Variants in SLC12A5 observed in about 807,000 individuals in gnomAD.
SLC12A5 encodes solute carrier family 12 member 5.
Under a neutral mutation model 124.0 loss-of-function variants are expected in SLC12A5, and 18 were observed. The observed-to-expected ratio is 0.15, with a 90% CI of 0.10 to 0.22. The LOEUF is 0.22. Among genes scored for constraint, SLC12A5 ranks in the 10% least tolerant of loss-of-function variants. The pLI, the probability that SLC12A5 is intolerant of heterozygous loss-of-function variation, is 1.00. For synonymous variants in SLC12A5, 589 were observed against 568.0 expected (o/e 1.04, Z -0.53); for missense variants, 867 against 1,478.7 (o/e 0.59, Z 6.78).
At chr20:46,021,845 C>T (rs2084357714) in exon 1 of SLC12A5, 2 of 1,532,676 alleles carry the variant, frequency 1.3e-6, no homozygotes, top group Non-Finnish European at 8.7e-7. Context: ...CGCCGGCATT[C>T]GGTCGCAGAC....
chr20:46,048,010 G>A lies in SLC12A5; in HGVS notation c.1937G>A (p.Arg646Gln), dbSNP rs1236646231. 3 of 1,612,472 alleles carry A rather than the reference G, an allele frequency of 1.9e-6. No individual in the cohort carries two copies. The highest frequency in any genetic ancestry group is 1.3e-5 in the African/African-American group (1 of 74,996). Reference protein sequence around the residue: ...GAEKEWGDGIRGLSLSAARYA... With the variant: ...GAEKEWGDGIQGLSLSAARYA... ...GAGAAGGAGTGGGGCGATGGGATACGAGGTCTGTCTCTCAGTGCGGCTCGC... is the reference window on the plus strand; with the variant it reads ...GAGAAGGAGTGGGGCGATGGGATACAAGGTCTGTCTCTCAGTGCGGCTCGC... The change falls in exon 16 of 26, where the codon CGA becomes CAA. Residue 646 changes from arginine to glutamine, a missense_variant. Physicochemically the swap from Arg to Gln is conservative, Grantham distance 43. This residue lies in a region of SLC12A5 where 152 missense variants were observed against 358.7 expected (regional missense o/e 0.42). Coordinates refer to ENST00000243964, the MANE Select transcript of SLC12A5 (RefSeq NM_020708.5).
chr20:46,043,930 A>G lies in SLC12A5; in HGVS notation c.1391A>G (p.Asp464Gly), dbSNP rs1281577456. The G allele has an allele frequency of 6.2e-7, 1 of 1,601,458 alleles. No individual in the cohort carries two copies. The highest frequency in any genetic ancestry group is 8.5e-7 in the Non-Finnish European group (1 of 1,173,796). ...TGCATTGAGGGGGTCGTCCTGCGGG[A>G]CAAGTAAGATAATTGGGGTTGATCC... ...GACIEGVVLR[D>G]KFGEAVNGNL... The change falls in exon 11 of 26, where the codon GAC becomes GGC. Residue 464 changes from aspartate to glycine, a missense_variant. This residue lies in a region of SLC12A5 where 152 missense variants were observed against 358.7 expected (regional missense o/e 0.42). Coordinates refer to ENST00000243964, the MANE Select transcript of SLC12A5 (RefSeq NM_020708.5).
chr20:46,043,491 T>A, intron 9 of SLC12A5, 142 bp from the exon 10 acceptor site: 1 of 1,169,360 alleles, frequency 8.6e-7, no homozygotes, highest in Non-Finnish European at 1.2e-6. Context: ...AGAAGCTAAG[T>A]AACATGTCCA....
At chr20:46,052,263 T>C (rs975767653) in intron 18 of SLC12A5, among the ~76,000 whole-genome samples, 1 of 152,218 alleles carries the variant, frequency 6.6e-6, no homozygotes, top group African/African-American at 2.4e-5. Flanking sequence ...TAGGTAATAG[T>C]ATATATAATA....
At chr20:46,052,810 CT>C (rs1182068721) in intron 18 of SLC12A5, 146 bp from the exon 19 acceptor site, 1 of 780,390 alleles carries the variant, frequency 1.3e-6, no homozygotes, top group Non-Finnish European at 2.0e-6. Context: ...CAAGTAGATG[CT>C]GGTTTTCTGA....
chr20:46,024,938 G>A (rs1454330002), upstream of SLC12A5, among the ~76,000 whole-genome samples: 7 of 152,190 alleles, frequency 4.6e-5, no homozygotes, highest in African/African-American at 1.7e-4. Flanking sequence ...AAGAGCCCTG[G>A]GCCTGGTAGG....
chr20:46,026,832 G>T (rs1411237138), upstream of SLC12A5, among the ~76,000 whole-genome samples: 1 of 152,170 alleles, frequency 6.6e-6, no homozygotes, highest in Non-Finnish European at 1.5e-5. Context: ...CTCTAGTGAA[G>T]GTGGACAGAT....
At chr20:46,037,450 G>T in intron 6 of SLC12A5, 65 bp downstream of exon 6, 1 of 1,519,342 alleles carries the variant, frequency 6.6e-7, no homozygotes, top group South Asian at 1.3e-5. Flanking sequence ...GTGCTCCCTG[G>T]ACACCTCCTA....
intron 8 of SLC12A5, among the ~76,000 whole-genome samples, chr20:46,042,695 A>C (rs1375095651): frequency 6.6e-6 from 1 of 152,062 alleles, no homozygotes; most frequent in Non-Finnish European, 1.5e-5. Context: ...ATATTTAAGA[A>C]ATATTAAGGA....
At chr20:46,044,864 C>T in intron 11 of SLC12A5, 102 bp from the exon 12 acceptor site, 1 of 1,319,730 alleles carries the variant, frequency 7.6e-7, no homozygotes, top group Non-Finnish European at 1.1e-6. Flanking sequence ...AGAACTTAGT[C>T]CTGTGGCAGG....
At position 46,057,658 on chromosome 20, in the gene SLC12A5, C is replaced by A; in HGVS notation, c.*53C>A. The A allele has an allele frequency of 7.3e-7, 1 of 1,373,204 alleles. No homozygotes were observed. Among genetic ancestry groups the A allele is most frequent in the Non-Finnish European group, 1.0e-6 (1 of 997,856 alleles). The allele number at this position is 1,373,204 out of a possible 1,614,324, so 85.1% of individuals were successfully genotyped here. A position where few individuals can be genotyped will look rare whatever the true frequency, so the allele number is the denominator to read the frequency against. On this transcript the variant is annotated 3_prime_UTR_variant, in exon 26 of 26. Transcript: ENST00000243964. This position sits in a 1 kb window ranked among gnomAD's most constrained non-coding sequence, Gnocchi z 7.1. ...GCGCGCCCGGCCCGCGGCTCCGGAGCCCTCGCCGCGCCCCCCGCCGCTGTC... is the reference window on the plus strand; with the variant it reads ...GCGCGCCCGGCCCGCGGCTCCGGAGACCTCGCCGCGCCCCCCGCCGCTGTC...
Position 46,053,635 on chromosome 20 carries a change from A to G in SLC12A5, c.2605A>G (p.Ile869Val). 6.2e-7 allele frequency: 1 copy of G among 1,613,976 alleles called. No homozygotes were observed. The highest frequency in any genetic ancestry group is 8.5e-7 in the Non-Finnish European group (1 of 1,179,896). The change falls in exon 20 of 26, where the codon ATC becomes GTC. Residue 869 changes from isoleucine to valine, a missense_variant. Around this residue, in one of 9 missense-constraint regions of SLC12A5, gnomAD observed 70 missense variants for 157.2 expected, o/e 0.45. Coordinates refer to ENST00000243964, the MANE Select transcript of SLC12A5 (RefSeq NM_020708.5). The surrounding 1 kb of genome is among the most constrained non-coding windows in gnomAD (Gnocchi z 4.7). The part of the protein sequence containing the change: ...FTVAQMDDNS[I>V]QMKKDLTTFL... ...TGTGGCCCAGATGGATGACAATAGC[A>G]TCCAGATGAAGAAGGATCTGACCAC...
intron 1 of SLC12A5, among the ~76,000 whole-genome samples, chr20:46,031,259 C>G (rs1396504280): frequency 6.6e-6 from 1 of 152,176 alleles, no homozygotes; most frequent in African/African-American, 2.4e-5. Context: ...ATCCCCTCTC[C>G]GTTAGTTTCT....
In SLC12A5 at chr20:46,044,999, G is replaced by A. The variant is rs1208242080; in HGVS notation, c.1428G>A (p.Val476=). The change falls in exon 12 of 26, where the codon GTG becomes GTA. Residue 476 remains valine, a synonymous_variant. Transcript: ENST00000243964. Reference sequence around the variant, plus strand: ...AAGCTGTGAATGGCAACCTCGTGGTGGGCACTCTGGCCTGGCCATCTCCAT... The same window carrying A: ...AAGCTGTGAATGGCAACCTCGTGGTAGGCACTCTGGCCTGGCCATCTCCAT... The part of the protein sequence containing the change: ...FGEAVNGNLV[V]GTLAWPSPWV... 2 of 1,614,186 alleles carry A rather than the reference G, an allele frequency of 1.2e-6. No individual in the cohort carries two copies. The highest frequency in any genetic ancestry group is 1.7e-6 in the Non-Finnish European group (2 of 1,180,014).
chr20:46,052,251 CGTAGGTAATA>C (rs2084653064), intron 18 of SLC12A5, among the ~76,000 whole-genome samples: 1 of 152,218 alleles, frequency 6.6e-6, no homozygotes, highest in African/African-American at 2.4e-5. Flanking sequence ...TCTTGGTAAT[CGTAGGTAATA>C]GTATATATAA....
Position 46,040,356 on chromosome 20 carries a change from C to A in SLC12A5, c.613-17C>A. The A allele has an allele frequency of 6.2e-7, 1 of 1,612,952 alleles. No homozygotes were observed. The highest frequency in any genetic ancestry group is 2.2e-5 in the East Asian group (1 of 44,886). ...CTGCTGACTTAGGTATCTGTTCTTCCTGCCCCTTTCCCACAGGCTTACCTC... is the reference window on the plus strand; with the variant it reads ...CTGCTGACTTAGGTATCTGTTCTTCATGCCCCTTTCCCACAGGCTTACCTC... On this transcript the variant is annotated splice_polypyrimidine_tract_variant and intron_variant, in intron 6 of 25. Coordinates refer to ENST00000243964, the MANE Select transcript of SLC12A5 (RefSeq NM_020708.5).
intron 1 of SLC12A5, among the ~76,000 whole-genome samples, chr20:46,031,223 T>C (rs1345879092): frequency 1.3e-5 from 2 of 152,050 alleles, no homozygotes; most frequent in African/African-American, 2.4e-5. Context: ...GAGGCAAGAG[T>C]TGAACTAGGA....
In SLC12A5 at chr20:46,047,533, C is replaced by A; in HGVS notation, c.1867C>A (p.Leu623Ile). ...CSWYYALVAM[L>I]IAGLIYKYIE... is the part of the protein sequence containing the mutation. ...CTGGTATTATGCACTGGTAGCCATGCTCATTGCTGGACTCATCTACAAGTA... is the reference window on the plus strand; with the variant it reads ...CTGGTATTATGCACTGGTAGCCATGATCATTGCTGGACTCATCTACAAGTA... Residue 623 changes from leucine to isoleucine, a missense_variant, in exon 15 of 26, where the codon CTC becomes ATC. Leu to Ile is a conservative substitution (Grantham distance 5, BLOSUM62 2). Coordinates refer to ENST00000243964, the MANE Select transcript of SLC12A5 (RefSeq NM_020708.5). The A allele has an allele frequency of 1.2e-6, 2 of 1,613,994 alleles. No homozygotes were observed. Among genetic ancestry groups the A allele is most frequent in the Non-Finnish European group, 1.7e-6 (2 of 1,179,958 alleles).
chr20:46,023,443 C>G (rs2084372715), exon 3 of SLC12A5: 3 of 398,948 alleles, frequency 7.5e-6, no homozygotes, highest in East Asian at 3.6e-5. Flanking sequence ...TCGGTCCCCC[C>G]TCTGTCATCA....
Sources: allele counts gnomAD v4.1 joint callset (sites outside exome capture counted in the v4.1 genomes callset), GRCh38; gene constraint gnomAD v4.1.1; regional missense constraint gnomAD v4.1.1; non-coding constraint Gnocchi (gnomAD v3.1); transcripts MANE v1.5; gene names NCBI Gene and HGNC (gene_info 2026-07-23, HGNC 2026-07-21).